The following SLC4A9 variants were observed in gnomAD, a reference collection of about 807,000 sequenced individuals.
SLC4A9 encodes anion exchange protein 4.
SLC4A9 carries 102 observed loss-of-function variants against 103.2 expected under a neutral mutation model. The observed-to-expected ratio is 0.99, with a 90% CI of 0.84 to 1.17. The LOEUF (loss-of-function observed/expected upper bound fraction) is 1.17, where lower values mean the gene tolerates loss of function less well. Ranked by LOEUF, SLC4A9 falls within the 50% of genes most tolerant of loss-of-function variation. The probability of loss-of-function intolerance (pLI) is 0.00; values close to 1 mark genes in which losing one functional copy is unlikely to be tolerated. For synonymous variants in SLC4A9, 453 were observed against 483.6 expected (o/e 0.94, Z 0.83); for missense variants, 1,091 against 1,193.7 (o/e 0.91, Z 1.27).
chr5:140,368,680 A>G, intron 17 of SLC4A9, 21 bp downstream of exon 17: 1 of 1,606,256 alleles, frequency 6.2e-7, no homozygotes, highest in Non-Finnish European at 8.5e-7. Context: ...TATACAAGCC[A>G]GGATCAGGGT....
At position 140,364,154 on chromosome 5, in the gene SLC4A9, T is replaced by TG; in HGVS notation, c.1357dup (p.Val453GlyfsTer3). 1.3e-6 allele frequency: 2 copies of TG among 1,583,656 alleles called. No individual in the cohort carries two copies. The highest frequency in any genetic ancestry group is 1.7e-6 in the Non-Finnish European group (2 of 1,164,326). On this transcript the variant is annotated frameshift_variant, in exon 10 of 22. Coordinates refer to ENST00000506757, the MANE Select transcript of SLC4A9 (RefSeq NM_031467.3). LOFTEE classifies it high-confidence loss of function. ...ATTCTGAGCAGCACGGGGCCAGTGC[T>TG]GGTCTTTGAGCGCCTGCTCTTCTCT...
Position 140,365,542 on chromosome 5 carries a change from G to T in SLC4A9, c.1674G>T (p.Arg558Ser). ...CAGGAAATGAGTCTCAATGGATAAG[G>T]ACAAGGCCAAAAGACAGAGACGACA... Reference protein sequence around the residue: ...GPGGNESQWIRTRPKDRDDIV... With the variant: ...GPGGNESQWISTRPKDRDDIV... The change falls in exon 12 of 22, where the codon AGG becomes AGT. Residue 558 changes from arginine to serine, a missense_variant. By Grantham distance (110) the Arg-to-Ser change is moderately radical (BLOSUM62 -1). Transcript: ENST00000506757. 1 of 1,611,782 alleles carries T rather than the reference G, an allele frequency of 6.2e-7. No individual in the cohort carries two copies. Among genetic ancestry groups the T allele is most frequent in the East Asian group, 2.2e-5 (1 of 44,846 alleles).
intron 12 of SLC4A9, 47 bp downstream of exon 12, chr5:140,365,625 C>A (rs748760321): frequency 1.9e-6 from 3 of 1,583,832 alleles, no homozygotes; most frequent in South Asian, 1.1e-5. Flanking sequence ...GGGTGGAGAC[C>A]AAGGCAGTCG....
chr5:140,364,614 C>G lies in SLC4A9; in HGVS notation c.1640C>G (p.Pro547Arg). The G allele has an allele frequency of 1.2e-6, 2 of 1,600,892 alleles. No homozygotes were observed. The highest frequency in any genetic ancestry group is 1.7e-6 in the Non-Finnish European group (2 of 1,173,486). Reference sequence around the variant, plus strand: ...GCCTACGGGTGCCTCTGCCAATACCCAGGCCCAGGAGGTGGGTAAGGGAAA... The same window carrying G: ...GCCTACGGGTGCCTCTGCCAATACCGAGGCCCAGGAGGTGGGTAAGGGAAA... ...SSAYGCLCQY[P>R]GPGGNESQWI... Residue 547 changes from proline to arginine, a missense_variant, in exon 11 of 22, where the codon CCA (proline) becomes CGA (arginine). Coordinates refer to ENST00000506757, the MANE Select transcript of SLC4A9 (RefSeq NM_031467.3).
chr5:140,363,873 C>T lies in SLC4A9; in HGVS notation c.1225C>T (p.Leu409=). The change falls in exon 9 of 22, where the codon CTG becomes TTG. Residue 409 remains leucine (L), a synonymous_variant. Transcript: ENST00000506757. The surrounding 1 kb of genome is among the most constrained non-coding windows in gnomAD (Gnocchi z 4.5). ...TVTNAITFGG[L]LGDATDGAQG... is the part of the protein sequence containing the mutation. ...CACTAATGCCATCACTTTTGGGGGT[C>T]TGCTGGGAGATGCCACTGATGGTGC... The T allele has an allele frequency of 6.2e-7, 1 of 1,613,936 alleles. No individual in the cohort carries two copies. The highest frequency in any genetic ancestry group is 8.5e-7 in the Non-Finnish European group (1 of 1,179,866).
At chr5:140,364,220 C>G in intron 10 of SLC4A9, 33 bp downstream of exon 10, 1 of 1,568,448 alleles carries the variant, frequency 6.4e-7, no homozygotes, top group South Asian at 1.2e-5. Context: ...CGGACCCTCA[C>G]TAGTGCCATG....
At chr5:140,374,801 T>C (rs562419058) in intron 21 of SLC4A9, 26 bp from the exon 22 acceptor site, 2 of 152,248 alleles carry the variant, frequency 1.3e-5, no homozygotes, top group East Asian at 3.9e-4. Flanking sequence ...AGTCAGGACA[T>C]TTTTGGCCTT....
chr5:140,371,037 G>T (rs1768639870), intron 17 of SLC4A9, 58 bp from the exon 18 acceptor site: 2 of 1,519,308 alleles, frequency 1.3e-6, no homozygotes, highest in African/African-American at 2.7e-5. Flanking sequence ...GGGCATCCTG[G>T]GGCATCTGGG....
At chr5:140,374,631 G>A (rs1769239196) in intron 21 of SLC4A9, 196 bp from the exon 22 acceptor site, 2 of 151,280 alleles carry the variant, frequency 1.3e-5, no homozygotes, top group South Asian at 4.2e-4. Flanking sequence ...GGAGACTGGA[G>A]AGAGAAAGGG....
At chr5:140,374,604 G>A (rs1207688991) in intron 21 of SLC4A9, among the ~76,000 whole-genome samples, 1 of 150,810 alleles carries the variant, frequency 6.6e-6, no homozygotes, top group Non-Finnish European at 1.5e-5. Flanking sequence ...CACTTGCAAT[G>A]GGAAATTTGG....
In SLC4A9 at chr5:140,363,075, G is replaced by T. The variant is rs1473795121; in HGVS notation, c.962+9G>T. ...CCATCTCAGCACAAAAGGTACCTGGGAGCCATCATCCCATACAGATTCCTG... is the reference window on the plus strand; with the variant it reads ...CCATCTCAGCACAAAAGGTACCTGGTAGCCATCATCCCATACAGATTCCTG... On this transcript the variant is annotated intron_variant, in intron 7 of 21. Coordinates refer to ENST00000506757, the MANE Select transcript of SLC4A9 (RefSeq NM_031467.3). The surrounding 1 kb of genome is among the most constrained non-coding windows in gnomAD (Gnocchi z 4.5). 6.2e-7 allele frequency: 1 copy of T among 1,612,570 alleles called. No individual in the cohort carries two copies. The highest frequency in any genetic ancestry group is 1.1e-5 in the South Asian group (1 of 90,966).
chr5:140,366,479 T>A (rs1160882417), intron 14 of SLC4A9, among the ~76,000 whole-genome samples: 1 of 152,186 alleles, frequency 6.6e-6, no homozygotes, highest in East Asian at 1.9e-4. Flanking sequence ...GTAGCTATTA[T>A]TACAGGGTAT....
intron 14 of SLC4A9, among the ~76,000 whole-genome samples, chr5:140,367,203 GA>G (rs1418118435): frequency 6.6e-6 from 1 of 152,194 alleles, no homozygotes; most frequent in African/African-American, 2.4e-5. Flanking sequence ...CCAAAGTCCA[GA>G]GCCCCTGGTT....
chr5:140,372,643 T>C, intron 20 of SLC4A9, 102 bp from the exon 21 acceptor site: 3 of 1,449,238 alleles, frequency 2.1e-6, no homozygotes, highest in Non-Finnish European at 2.7e-6. Flanking sequence ...CTTTCTCAAC[T>C]CTGATCTTTG....
chr5:140,366,396 T>C (rs1767892797), intron 14 of SLC4A9, 132 bp downstream of exon 14: 1 of 662,854 alleles, frequency 1.5e-6, no homozygotes, highest in Non-Finnish European at 2.5e-6. Context: ...ATAGTAATAA[T>C]AATGGCCTCA....
At chr5:140,361,085 T>A (rs999717031) in intron 2 of SLC4A9, 113 bp downstream of exon 2, 4 of 1,243,044 alleles carry the variant, frequency 3.2e-6, no homozygotes, top group Admixed American at 4.9e-5. Flanking sequence ...CCTAGGATTG[T>A]CTACCCTTGT....
intron 20 of SLC4A9, 169 bp downstream of exon 20, chr5:140,372,566 T>C: frequency 1.4e-6 from 2 of 1,443,200 alleles, no homozygotes; most frequent in East Asian, 2.6e-5. Flanking sequence ...GAAGGAAATC[T>C]TTCTTCATAG....
Position 140,367,868 on chromosome 5 carries a change from C to T in SLC4A9, c.2324C>T (p.Pro775Leu), listed in dbSNP as rs866499975. 1 of 1,613,856 alleles carries T rather than the reference C, an allele frequency of 6.2e-7. No homozygotes were observed. Among genetic ancestry groups the T allele is most frequent in the Non-Finnish European group, 8.5e-7 (1 of 1,179,840 alleles). Residue 775 changes from proline (P) to leucine (L), a missense_variant, in exon 16 of 22, where the codon CCC becomes CTC. Pro to Leu is a moderately conservative substitution (Grantham distance 98). Transcript: ENST00000506757. ...SLRRESRACA[P>L]GERPNFLGIR... is the part of the protein sequence containing the mutation. The stretch of plus-strand genomic sequence containing the variant: ...CGGAGAGAGAGCAGAGCCTGTGCCC[C>T]CGGGGAGCGCCCCAACTTCCTGGGT...
rs1170005696 is a variant in SLC4A9 at position 140,363,282 on chromosome 5, A to G, written c.963-157A>G. ...CCCGAGCCTGGCTTTCACAGGTCGCAATATGACCTGGACCTTCTAGAGGCC... is the reference window on the plus strand; with the variant it reads ...CCCGAGCCTGGCTTTCACAGGTCGCGATATGACCTGGACCTTCTAGAGGCC... On this transcript the variant is annotated intron_variant, in intron 7 of 21. Transcript: ENST00000506757. The surrounding 1 kb of genome is among the most constrained non-coding windows in gnomAD (Gnocchi z 4.5). Among the ~76,000 whole-genome samples the G allele has an allele frequency of 6.6e-6, 1 of 152,180 alleles. No individual in the cohort carries two copies. Among genetic ancestry groups the G allele is most frequent in the Non-Finnish European group, 1.5e-5 (1 of 68,026 alleles).
Sources: allele counts gnomAD v4.1 joint callset (sites outside exome capture counted in the v4.1 genomes callset), GRCh38; gene constraint gnomAD v4.1.1; non-coding constraint Gnocchi (gnomAD v3.1); transcripts MANE v1.5; gene names NCBI Gene and HGNC (gene_info 2026-07-23, HGNC 2026-07-21).